Variants in VWA3B observed in about 807,000 individuals in gnomAD.
VWA3B encodes the protein von Willebrand factor A domain-containing protein 3B.
A neutral mutation model predicts 158.3 loss-of-function variants in VWA3B; 138 were observed. That is an observed-to-expected ratio of 0.87 (90% CI 0.76 to 1.00). The LOEUF is 1.00. Among genes scored for constraint, VWA3B ranks in the 50% least tolerant of loss-of-function variants. The pLI is 0.00. For synonymous variants in VWA3B, 596 were observed against 587.3 expected (o/e 1.01, Z -0.21); for missense variants, 1,555 against 1,565.1 (o/e 0.99, Z 0.11).
At chr2:98,163,013 A>G in intron 8 of VWA3B, 37 bp downstream of exon 8, 2 of 1,609,962 alleles carry the variant, frequency 1.2e-6, no homozygotes, top group Non-Finnish European at 1.7e-6. Flanking sequence ...TAAAAGATTC[A>G]TAAATGTTAC....
chr2:98,177,898 A>G (rs1680146088), intron 8 of VWA3B, among the ~76,000 whole-genome samples: 1 of 152,206 alleles, frequency 6.6e-6, no homozygotes, highest in Non-Finnish European at 1.5e-5. Flanking sequence ...AAAACAGAGC[A>G]GAAGGGTATA....
intron 14 of VWA3B, among the ~76,000 whole-genome samples, chr2:98,220,478 A>G (rs1441464660): frequency 2.0e-5 from 3 of 152,192 alleles, no homozygotes; most frequent in South Asian, 2.1e-4. Context: ...CCCTGGTTAT[A>G]TCTCCAAAAG....
chr2:98,089,503 G>A (rs950937490), intron 1 of VWA3B, among the ~76,000 whole-genome samples: 1 of 151,834 alleles, frequency 6.6e-6, no homozygotes, highest in African/African-American at 2.4e-5. Flanking sequence ...GAAAGCAGGC[G>A]GGCTAGTGGG....
intron 23 of VWA3B, among the ~76,000 whole-genome samples, chr2:98,294,430 G>A (rs1351572696): frequency 2.0e-5 from 3 of 152,234 alleles, no homozygotes; most frequent in Admixed American, 2.0e-4. Context: ...AAGCAGAGCT[G>A]GCCAGACTGG....
intron 12 of VWA3B, among the ~76,000 whole-genome samples, chr2:98,210,732 C>G (rs1420831513): frequency 6.6e-6 from 1 of 152,126 alleles, no homozygotes; most frequent in Non-Finnish European, 1.5e-5. Context: ...AGTCTCTGCT[C>G]CCTTCTTATC....
chr2:98,320,700 TGA>T, the VWA3B span, among the ~76,000 whole-genome samples: 1 of 152,070 alleles, frequency 6.6e-6, no homozygotes, highest in Non-Finnish European at 1.5e-5. Context: ...ACTTTGAAAT[TGA>T]GAGAGATGAT....
rs1429168497 is a variant in VWA3B, at chr2:98,125,952, C to T, written c.703-2287C>T. On this transcript the variant is annotated intron_variant, in intron 5 of 27. Transcript: ENST00000477737. The surrounding 1 kb of genome is among the most constrained non-coding windows in gnomAD (Gnocchi z 4.1). ...GTGCTGGGATTACAGGTATGAGCCA[C>T]CGCTCCCGGCCACCTTTCTGTTTTT... 2.6e-5 allele frequency among the ~76,000 whole-genome samples: 4 copies of T among 152,182 alleles called. No homozygotes were observed. The highest frequency in any genetic ancestry group is 9.7e-5 in the African/African-American group (4 of 41,446).
chr2:98,121,579 A>G, intron 5 of VWA3B, 121 bp downstream of exon 5: 1 of 1,336,768 alleles, frequency 7.5e-7, no homozygotes, highest in Non-Finnish European at 1.0e-6. Context: ...AGGATCCGAC[A>G]GAGATCCCAT....
chr2:98,157,002 G>C (rs995096021), intron 7 of VWA3B, among the ~76,000 whole-genome samples: 1 of 152,118 alleles, frequency 6.6e-6, no homozygotes, highest in Non-Finnish European at 1.5e-5. Context: ...TTTTCTAAAC[G>C]AATTTTGGAC....
chr2:98,102,270 T>A (rs970953996), intron 2 of VWA3B, among the ~76,000 whole-genome samples: 1 of 152,218 alleles, frequency 6.6e-6, no homozygotes, highest in Non-Finnish European at 1.5e-5. Context: ...TATGTCTACT[T>A]CTTTCTACAC....
chr2:98,266,017 T>A (rs1687802410), intron 21 of VWA3B, among the ~76,000 whole-genome samples: 4 of 147,360 alleles, frequency 2.7e-5, no homozygotes, highest in Admixed American at 2.7e-4. Context: ...TGATGGTAGT[T>A]TCTTTTGCTG....
chr2:98,183,891 A>G (rs1220370265), intron 9 of VWA3B, among the ~76,000 whole-genome samples: 1 of 152,262 alleles, frequency 6.6e-6, no homozygotes, highest in Non-Finnish European at 1.5e-5. Context: ...TGCCCGGCAC[A>G]TAGGAGATGC....
At chr2:98,253,084 G>A (rs1021377196) in intron 20 of VWA3B, among the ~76,000 whole-genome samples, 4 of 151,854 alleles carry the variant, frequency 2.6e-5, no homozygotes, top group African/African-American at 7.3e-5. Context: ...AATATTATAC[G>A]GAACCAAATT....
At chr2:98,179,818 CTTTCTTTCTT>C (rs1414929970) in intron 8 of VWA3B, among the ~76,000 whole-genome samples, 26 of 104,894 alleles carry the variant, frequency 2.5e-4, no homozygotes, top group Admixed American at 5.7e-4. Context: ...TTCTTTCTTT[CTTTCTTTCTT>C]TTTCTTTCTT....
At chr2:98,216,980 G>GCACCC (rs1553417697) in intron 13 of VWA3B, 75 of 994,894 alleles carry the variant, frequency 7.5e-5, no homozygotes, top group Non-Finnish European at 8.2e-5. Flanking sequence ...ATCATTGTAA[G>GCACCC]CACCCGCCCC....
At chr2:98,130,182 A>T (rs2105027902) in intron 6 of VWA3B, among the ~76,000 whole-genome samples, 1 of 152,350 alleles carries the variant, frequency 6.6e-6, no homozygotes, top group African/African-American at 2.4e-5. Flanking sequence ...TGCGCTTTTG[A>T]TGTGCATATA....
intron 22 of VWA3B, 41 bp from the exon 23 acceptor site, chr2:98,290,470 T>C: frequency 1.4e-6 from 2 of 1,440,948 alleles, no homozygotes; most frequent in Non-Finnish European, 9.5e-7. Flanking sequence ...GCATCTGCAT[T>C]CACTTTTTCT....
intron 25 of VWA3B, among the ~76,000 whole-genome samples, chr2:98,303,265 G>T (rs1690304649): frequency 2.0e-5 from 3 of 152,122 alleles, no homozygotes; most frequent in African/African-American, 4.8e-5. Flanking sequence ...CCGGGGGCGG[G>T]GGGTGGAGGT....
chr2:98,128,171 T>C, intron 5 of VWA3B, 68 bp from the exon 6 acceptor site: 5 of 1,563,002 alleles, frequency 3.2e-6, no homozygotes, highest in Non-Finnish European at 4.4e-6. Context: ...GAATGGGTAT[T>C]ACTGATGAGA....
Sources: gnomAD v4.1 joint callset for allele counts (sites outside exome capture counted in the v4.1 genomes callset) on GRCh38, gnomAD v4.1.1 for gene constraint, Gnocchi (gnomAD v3.1) non-coding constraint, MANE v1.5 for transcripts, NCBI Gene and HGNC (gene_info 2026-07-23, HGNC 2026-07-21) for gene names.